Variants in SPNS3 observed in about 807,000 individuals in gnomAD.
SPNS3 encodes SPNS lysolipid transporter 3, sphingosine-1-phosphate (putative), also known as protein spinster homolog 3.
SPNS3 carries 51 observed loss-of-function variants against 54.4 expected under a neutral mutation model. That is an observed-to-expected ratio of 0.94 (90% CI 0.75 to 1.18). The LOEUF (loss-of-function observed/expected upper bound fraction) is 1.18, where lower values mean the gene tolerates loss of function less well. Ranked by LOEUF, SPNS3 falls within the 50% of genes most tolerant of loss-of-function variation. The pLI, the probability that SPNS3 is intolerant of heterozygous loss-of-function variation, is 0.00. For missense variants in SPNS3, 669 were observed against 677.4 expected, an observed-to-expected ratio of 0.99 and a Z score of 0.14; for synonymous variants, 309 against 294.7, an observed-to-expected ratio of 1.05 and a Z score of -0.50.
intron 8 of SPNS3, among the ~76,000 whole-genome samples, chr17:4,469,356 G>C (rs1246989617): frequency 2.0e-5 from 3 of 152,156 alleles, no homozygotes; most frequent in African/African-American, 7.2e-5. Flanking sequence ...CAAAGTGCTG[G>C]GATTACAGGC....
chr17:4,456,237 C>T (rs887927295), intron 8 of SPNS3, among the ~76,000 whole-genome samples: 2 of 152,124 alleles, frequency 1.3e-5, no homozygotes, highest in Non-Finnish European at 2.9e-5. Flanking sequence ...CAGGCATGAG[C>T]CACCGCGCCT....
intron 7 of SPNS3, among the ~76,000 whole-genome samples, chr17:4,450,273 CTCTT>C (rs992272697): frequency 3.3e-5 from 5 of 151,264 alleles, no homozygotes; most frequent in African/African-American, 1.2e-4. Context: ...CCTCTTTTCT[CTCTT>C]CTCCTCTCTT....
intron 8 of SPNS3, among the ~76,000 whole-genome samples, chr17:4,453,579 C>T (rs1224728427): frequency 6.6e-6 from 1 of 151,844 alleles, no homozygotes; most frequent in Non-Finnish European, 1.5e-5. Context: ...GATTGCGCCA[C>T]TGCACTCCAG....
rs73975133 is a variant in SPNS3, at chr17:4,465,305, G to C, written c.1113+12100G>C. Among the ~76,000 whole-genome samples the C allele has an allele frequency of 7.2e-3, 1,103 of 152,270 alleles. 11 individuals carry two copies. The highest frequency in any genetic ancestry group is 0.025 in the African/African-American group (1,056 of 41,544). On this transcript the variant is annotated intron_variant, in intron 8 of 11. Coordinates refer to ENST00000355530, the MANE Select transcript of SPNS3 (RefSeq NM_182538.5). ...CAAGGACTAATGTTCTGAGATAGCG[G>C]GCCAGGTAGAACTGTGTTGCCTTTT...
At chr17:4,481,344 G>C (rs1372308303) in intron 9 of SPNS3, among the ~76,000 whole-genome samples, 5 of 152,048 alleles carry the variant, frequency 3.3e-5, no homozygotes, top group African/African-American at 4.8e-5. Context: ...GCAGGAAGTA[G>C]AGGAAGGTCC....
intron 8 of SPNS3, among the ~76,000 whole-genome samples, chr17:4,461,658 A>C (rs1347766866): frequency 6.6e-6 from 1 of 152,052 alleles, no homozygotes; most frequent in Non-Finnish European, 1.5e-5. Flanking sequence ...AGGCAGTTGG[A>C]TTACATATGT....
At chr17:4,441,985 T>A (rs1030402398) in intron 2 of SPNS3, among the ~76,000 whole-genome samples, 7 of 147,590 alleles carry the variant, frequency 4.7e-5, no homozygotes, top group African/African-American at 1.7e-4. Context: ...GAGGGAGAAG[T>A]GTGTGTGTGT....
At chr17:4,459,676 G>A (rs113425465) in intron 8 of SPNS3, among the ~76,000 whole-genome samples, 1,809 of 152,244 alleles carry the variant, frequency 0.012, 15 homozygotes, top group Non-Finnish European at 0.018. Flanking sequence ...TTGCGCCATT[G>A]CACTCCAGCC....
chr17:4,451,843 A>AT (rs796190961), intron 7 of SPNS3, among the ~76,000 whole-genome samples: 37,326 of 139,958 alleles, frequency 0.27, 4,776 homozygotes, highest in Middle Eastern at 0.4. Context: ...TAATTTTTGT[A>AT]TTTTTTTTTT....
intron 5 of SPNS3, among the ~76,000 whole-genome samples, chr17:4,447,563 C>T (rs546950036): frequency 3.3e-5 from 5 of 152,266 alleles, no homozygotes; most frequent in South Asian, 2.1e-4. Context: ...AGCCCAGTGC[C>T]GGGGAGCTGG....
At chr17:4,487,297 C>T (rs1410704623) in intron 11 of SPNS3, among the ~76,000 whole-genome samples, 3 of 151,938 alleles carry the variant, frequency 2.0e-5, no homozygotes, top group Non-Finnish European at 2.9e-5. Flanking sequence ...TGGGGAAAGA[C>T]GCTTCCGGCA....
intron 8 of SPNS3, among the ~76,000 whole-genome samples, chr17:4,458,984 G>A (rs565065775): frequency 6.6e-5 from 10 of 152,016 alleles, no homozygotes; most frequent in African/African-American, 1.9e-4. Context: ...GTCCTGCCAC[G>A]CAGGTCCCCT....
intron 8 of SPNS3, among the ~76,000 whole-genome samples, chr17:4,456,338 C>T (rs1338623965): frequency 1.3e-5 from 2 of 152,126 alleles, no homozygotes; most frequent in Non-Finnish European, 2.9e-5. Context: ...TCTGTTCTCT[C>T]GCCGAGTCCT....
intron 9 of SPNS3, among the ~76,000 whole-genome samples, chr17:4,480,191 A>C (rs1381511338): frequency 1.3e-5 from 2 of 152,010 alleles, no homozygotes; most frequent in Non-Finnish European, 2.9e-5. Context: ...GGGTGAGTGG[A>C]TCAGCTGCAG....
At chr17:4,476,141 G>A (rs974565419) in intron 8 of SPNS3, among the ~76,000 whole-genome samples, 6 of 152,206 alleles carry the variant, frequency 3.9e-5, no homozygotes, top group Non-Finnish European at 5.9e-5. Context: ...CCTGGTGGCC[G>A]CTGCCCCGGG....
At chr17:4,479,294 C>T (rs561968080) in intron 9 of SPNS3, among the ~76,000 whole-genome samples, 2 of 152,362 alleles carry the variant, frequency 1.3e-5, no homozygotes, top group South Asian at 2.1e-4. Context: ...GTTCCTTGGC[C>T]TCTACTCTGG....
At position 4,448,218 on chromosome 17, in the gene SPNS3, C is replaced by T. The variant is rs200982219; in HGVS notation, c.685C>T (p.Arg229Trp). The T allele has an allele frequency of 3.0e-5, 48 of 1,604,290 alleles. No individual in the cohort carries two copies. Among genetic ancestry groups the T allele is most frequent in the Admixed American group, 6.9e-5 (4 of 58,360 alleles). Residue 229 changes from arginine to tryptophan, a missense_variant, in exon 6 of 12, where the codon CGG (arginine) becomes TGG (tryptophan). Physicochemically the swap from Arg to Trp is moderately radical, Grantham distance 101. Coordinates refer to ENST00000355530, the MANE Select transcript of SPNS3 (RefSeq NM_182538.5). Reference sequence around the variant, plus strand: ...TATCCTGCTGGTTCCAGACCCACCCCGGGGAGCTGCCGAGACACAGGGGGA... The same window carrying T: ...TATCCTGCTGGTTCCAGACCCACCCTGGGGAGCTGCCGAGACACAGGGGGA... ...LLILLVPDPP[R>W]GAAETQGEGA...
chr17:4,438,248 G>A (rs1298252983), intron 1 of SPNS3, among the ~76,000 whole-genome samples: 1 of 152,214 alleles, frequency 6.6e-6, no homozygotes, highest in African/African-American at 2.4e-5. Flanking sequence ...TGTGTGGACA[G>A]GCTGCCTCTG....
intron 8 of SPNS3, among the ~76,000 whole-genome samples, chr17:4,456,341 C>T (rs986846940): frequency 3.9e-5 from 6 of 152,146 alleles, no homozygotes; most frequent in Non-Finnish European, 7.3e-5. Flanking sequence ...GTTCTCTCGC[C>T]GAGTCCTGAA....
Sources: gnomAD v4.1 joint callset for allele counts (sites outside exome capture counted in the v4.1 genomes callset) on GRCh38, gnomAD v4.1.1 for gene constraint, MANE v1.5 for transcripts, NCBI Gene and HGNC (gene_info 2026-07-23, HGNC 2026-07-21) for gene names.